Variants in PIWIL1 observed in about 807,000 individuals in gnomAD.
PIWIL1 encodes the protein piwi-like protein 1.
A neutral mutation model predicts 114.4 loss-of-function variants in PIWIL1; 73 were observed. That is an observed-to-expected ratio of 0.64 (90% CI 0.53 to 0.78). The LOEUF (loss-of-function observed/expected upper bound fraction) is 0.78. Ranked by LOEUF, PIWIL1 falls within the 30% of genes least tolerant of loss-of-function variation. The pLI is 0.00. For missense variants in PIWIL1, 723 were observed against 1,063.1 expected (o/e 0.68, Z 4.45); for synonymous variants, 375 against 369.0 (o/e 1.02, Z -0.19).
At chr12:130,413,928 G>A in the PIWIL1 span, among the ~76,000 whole-genome samples, 13 of 152,190 alleles carry the variant, frequency 8.5e-5, no homozygotes. Flanking sequence ...ACACAAACCG[G>A]GCAGATGCTG....
intron 5 of PIWIL1, 104 bp downstream of exon 5, chr12:130,346,688 C>A: frequency 1.0e-6 from 1 of 967,190 alleles, no homozygotes; most frequent in Non-Finnish European, 1.6e-6. Context: ...AGTCTCCTGT[C>A]TGATATGACT....
chr12:130,424,335 C>T, the PIWIL1 span: 3 of 1,231,826 alleles, frequency 2.4e-6, no homozygotes, highest in East Asian at 3.2e-5. The surrounding 1 kb of genome is among the most constrained non-coding windows in gnomAD (Gnocchi z 9.8). Flanking sequence ...GCCACCAGGG[C>T]CCACCTGCTC....
At chr12:130,346,661 T>G in intron 5 of PIWIL1, 77 bp downstream of exon 5, 1 of 1,227,338 alleles carries the variant, frequency 8.1e-7, no homozygotes, top group Non-Finnish European at 1.2e-6. Context: ...TCACATGGCT[T>G]TTAGAGAGGC....
chr12:130,414,563 T>A, the PIWIL1 span: 1 of 310,036 alleles, frequency 3.2e-6, no homozygotes, highest in Admixed American at 4.7e-5. Context: ...CTCGGGGGCC[T>A]CCTCAGAGAG....
chr12:130,377,784 C>T, the PIWIL1 span, among the ~76,000 whole-genome samples: 1 of 152,176 alleles, frequency 6.6e-6, no homozygotes, highest in Non-Finnish European at 1.5e-5. Context: ...TTAGCACAAG[C>T]GGGCACTTTG....
At chr12:130,372,597 C>CAAAAAAAAAAAAAAAAA (rs60262232) in exon 21 of PIWIL1, 2 of 67,882 alleles carry the variant, frequency 2.9e-5, no homozygotes, top group African/African-American at 1.4e-4. Flanking sequence ...GACTCCGTCT[C>CAAAAAAAAAAAAAAAAA]AAAAAAAAAA....
the PIWIL1 span, among the ~76,000 whole-genome samples, chr12:130,392,443 G>C: frequency 1.3e-5 from 1 of 76,454 alleles, no homozygotes; most frequent in African/African-American, 4.3e-5. Context: ...TCACGTGTCT[G>C]TCAGTTACCT....
the PIWIL1 span, among the ~76,000 whole-genome samples, chr12:130,390,378 G>A: frequency 1.3e-5 from 2 of 152,190 alleles, no homozygotes; most frequent in African/African-American, 4.8e-5. Flanking sequence ...GCCCCAGAAG[G>A]TAGAGATGGT....
chr12:130,394,027 G>A, the PIWIL1 span, among the ~76,000 whole-genome samples: 3 of 152,308 alleles, frequency 2.0e-5, no homozygotes, highest in East Asian at 3.9e-4. Context: ...TTTGGGGTAA[G>A]GTTCTAAAGG....
chr12:130,424,957 C>A, the PIWIL1 span: 1 of 661,156 alleles, frequency 1.5e-6, no homozygotes, highest in Non-Finnish European at 2.1e-6. The surrounding 1 kb of genome is among the most constrained non-coding windows in gnomAD (Gnocchi z 9.8). Flanking sequence ...AGAATTAGTC[C>A]TGGAGGCACC....
At chr12:130,417,358 A>T in the PIWIL1 span, among the ~76,000 whole-genome samples, 22 of 152,348 alleles carry the variant, frequency 1.4e-4, no homozygotes, top group Admixed American at 5.9e-4. Flanking sequence ...TCAACAGTGG[A>T]TTGAATAAAG....
chr12:130,426,244 G>A, the PIWIL1 span: 1 of 151,994 alleles, frequency 6.6e-6, no homozygotes, highest in Non-Finnish European at 1.5e-5. Flanking sequence ...AATTTCTAAA[G>A]AGAACCCAGA....
the PIWIL1 span, among the ~76,000 whole-genome samples, chr12:130,402,914 A>C: frequency 6.6e-6 from 1 of 152,220 alleles, no homozygotes; most frequent in African/African-American, 2.4e-5. Context: ...CACACGCTTT[A>C]AAACACGATG....
the PIWIL1 span, among the ~76,000 whole-genome samples, chr12:130,395,491 G>T: frequency 4.6e-5 from 7 of 152,056 alleles, no homozygotes. Context: ...TATTACTTCA[G>T]GTTTGCCTAC....
the PIWIL1 span, among the ~76,000 whole-genome samples, chr12:130,378,274 G>A: frequency 6.6e-6 from 1 of 152,292 alleles, no homozygotes; most frequent in African/African-American, 2.4e-5. Context: ...GGTCTGCCTG[G>A]TGTTTTAAAG....
chr12:130,342,495 C>A, intron 1 of PIWIL1, 85 bp from the exon 2 acceptor site: 1 of 790,602 alleles, frequency 1.3e-6, no homozygotes, highest in Non-Finnish European at 2.2e-6. Flanking sequence ...TTTTGAAACT[C>A]AAAGAAGTTT....
chr12:130,369,401 G>A (rs2073757231), intron 19 of PIWIL1, among the ~76,000 whole-genome samples: 1 of 152,064 alleles, frequency 6.6e-6, no homozygotes, highest in South Asian at 2.1e-4. Flanking sequence ...TATTTATTTG[G>A]GTATATACCC....
the PIWIL1 span, among the ~76,000 whole-genome samples, chr12:130,402,014 G>C: frequency 5.9e-5 from 9 of 152,320 alleles, no homozygotes; most frequent in Admixed American, 5.9e-4. Context: ...AGTAGAATGT[G>C]GGTGGAACTG....
chr12:130,377,607 G>A (rs769612063), downstream of PIWIL1, among the ~76,000 whole-genome samples: 3 of 152,220 alleles, frequency 2.0e-5, no homozygotes, highest in Non-Finnish European at 4.4e-5. Flanking sequence ...TGCTCTGCTG[G>A]CATTGGGTGG....
Sources: allele counts gnomAD v4.1 joint callset (sites outside exome capture counted in the v4.1 genomes callset), GRCh38; gene constraint gnomAD v4.1.1; non-coding constraint Gnocchi (gnomAD v3.1); transcripts MANE v1.5; gene names NCBI Gene and HGNC (gene_info 2026-07-23, HGNC 2026-07-21).